PRPF8: variants seen among roughly 807,000 people sequenced by gnomAD.
The protein encoded by PRPF8 is pre-mRNA-processing-splicing factor 8.
In PRPF8, 64 loss-of-function variants were observed where a neutral mutation model predicts 285.9. The observed-to-expected ratio is 0.22, with a 90% CI of 0.18 to 0.28. The LOEUF (loss-of-function observed/expected upper bound fraction) is 0.28. Among genes scored for constraint, PRPF8 ranks in the 10% least tolerant of loss-of-function variants. The probability of loss-of-function intolerance (pLI) is 1.00; values close to 1 mark genes in which losing one functional copy is unlikely to be tolerated. For missense variants in PRPF8, 1,426 were observed against 3,026.7 expected, an observed-to-expected ratio of 0.47 and a Z score of 12.41; for synonymous variants, 1,325 against 1,118.2, an observed-to-expected ratio of 1.18 and a Z score of -3.69.
intron 24 of PRPF8, among the ~76,000 whole-genome samples, chr17:1,668,707 T>C (rs1912139329): frequency 1.3e-5 from 2 of 151,996 alleles, no homozygotes; most frequent in Non-Finnish European, 1.5e-5. Flanking sequence ...CTTACCACTC[T>C]ACAACTGTCT....
rs759915094 is a variant in PRPF8 at position 1,661,890 on chromosome 17, T to G, written c.4022+16A>C. On this transcript the variant is annotated intron_variant, in intron 25 of 42. Transcript: ENST00000304992. The surrounding 1 kb of genome is among the most constrained non-coding windows in gnomAD (Gnocchi z 7.3). ...CTGAGCAATAGGGTTTAGAAATACG[T>G]TGAACCAGGCTGTACCTGAGGTCGG... 1 of 1,614,170 alleles carries G rather than the reference T, an allele frequency of 6.2e-7. No homozygotes were observed. Among genetic ancestry groups the G allele is most frequent in the Non-Finnish European group, 8.5e-7 (1 of 1,180,040 alleles).
At position 1,673,513 on chromosome 17, in the gene PRPF8, T is replaced by C. The variant is rs776258501; in HGVS notation, c.3501A>G (p.Thr1167=). Residue 1167 remains threonine (T), a synonymous_variant, in exon 23 of 43, where the codon ACA becomes ACG. Transcript: ENST00000304992. The surrounding 1 kb of genome is among the most constrained non-coding windows in gnomAD (Gnocchi z 5.5). ...ACACGAAGCTGTTCTCCCACTGAAC[T>C]GTAGTCACTGACCGTGGCAAGCGGT... ...IKNRLPRSVT[T]VQWENSFVSV... 9 of 1,614,060 alleles carry C rather than the reference T, an allele frequency of 5.6e-6. No individual in the cohort carries two copies. The highest frequency in any genetic ancestry group is 2.2e-5 in the South Asian group (2 of 91,082).
chr17:1,668,553 G>A (rs1056522710), intron 24 of PRPF8, among the ~76,000 whole-genome samples: 17 of 151,804 alleles, frequency 1.1e-4, no homozygotes, highest in African/African-American at 4.1e-4. Flanking sequence ...TAGTAGAGAC[G>A]GGGTTTCACC....
Position 1,659,735 on chromosome 17 carries a change from A to C in PRPF8, c.4946+106T>G. The C allele has an allele frequency of 6.8e-7, 1 of 1,469,858 alleles. No homozygotes were observed. Among genetic ancestry groups the C allele is most frequent in the Non-Finnish European group, 9.3e-7 (1 of 1,070,432 alleles). 91.1% of individuals were successfully genotyped at this position (1,469,858 alleles called of 1,614,324 possible). A position where few individuals can be genotyped will look rare whatever the true frequency, so the allele number is the denominator to read the frequency against. Reference sequence around the variant, plus strand: ...AGGCTCCAAGCGTAGCACTGGCTCCAAGTTTGAAACAAAGGCAGACAGGAC... The same window carrying C: ...AGGCTCCAAGCGTAGCACTGGCTCCCAGTTTGAAACAAAGGCAGACAGGAC... On this transcript the variant is annotated intron_variant, in intron 31 of 42. Transcript: ENST00000304992. This position sits in a 1 kb window ranked among gnomAD's most constrained non-coding sequence, Gnocchi z 5.1.
rs1160767487 is a variant in PRPF8, at chr17:1,659,320, C to T, written c.5138+37G>A. On this transcript the variant is annotated intron_variant, in intron 32 of 42. Coordinates refer to ENST00000304992, the MANE Select transcript of PRPF8 (RefSeq NM_006445.4). The surrounding 1 kb of genome is among the most constrained non-coding windows in gnomAD (Gnocchi z 5.1). ...GGATTACAGGTGTGAGCCACTGCGC[C>T]TGGCCTGAAAATACATGGTCCTGAG... 4.3e-6 allele frequency: 7 copies of T among 1,612,636 alleles called. No individual in the cohort carries two copies. The highest frequency in any genetic ancestry group is 1.1e-5 in the South Asian group (1 of 91,026).
intron 36 of PRPF8, 53 bp from the exon 37 acceptor site, chr17:1,655,596 C>G: frequency 2.7e-6 from 4 of 1,457,096 alleles, no homozygotes; most frequent in South Asian, 1.1e-5. Flanking sequence ...GGCTCTCCCA[C>G]TTTAATCCTA....
chr17:1,683,356 G>C (rs570536287), intron 3 of PRPF8, 177 bp downstream of exon 3: 31 of 730,944 alleles, frequency 4.2e-5, no homozygotes, highest in Middle Eastern at 7.1e-4. Context: ...ATCGGGAAGA[G>C]AGGGGAAACA....
intron 13 of PRPF8, among the ~76,000 whole-genome samples, 165 bp from the exon 14 acceptor site, chr17:1,677,859 A>G (rs1456385746): frequency 6.6e-6 from 1 of 152,166 alleles, no homozygotes; most frequent in Non-Finnish European, 1.5e-5. Context: ...CTCAACATCT[A>G]AAACAAAAGG....
rs1286401002 is a variant in PRPF8, at chr17:1,681,741, T to C, written c.654-51A>G. 5.6e-6 allele frequency: 9 copies of C among 1,609,034 alleles called. No individual in the cohort carries two copies. The East Asian group carries it at 6.7e-5, about 12-fold the overall frequency. Reference sequence around the variant, plus strand: ...TCAAGTAAGCAGCTAGACAAACCCATACCACCTACTGATCTCCCAGGACTC... The same window carrying C: ...TCAAGTAAGCAGCTAGACAAACCCACACCACCTACTGATCTCCCAGGACTC... On this transcript the variant is annotated intron_variant, in intron 5 of 42. Transcript: ENST00000304992.
In PRPF8 at chr17:1,679,841, T is replaced by G; in HGVS notation, c.1099-42A>C. On this transcript the variant is annotated intron_variant, in intron 8 of 42. Coordinates refer to ENST00000304992, the MANE Select transcript of PRPF8 (RefSeq NM_006445.4). This position sits in a 1 kb window ranked among gnomAD's most constrained non-coding sequence, Gnocchi z 4.7. ...TCTAAGGGTTTAGCTCCTGCTGAAC[T>G]AGGCACAGACTTAAGATGAGGGAAA... is the stretch of plus-strand genomic sequence containing the variant. 1.3e-6 allele frequency: 2 copies of G among 1,598,394 alleles called. No individual in the cohort carries two copies. The highest frequency in any genetic ancestry group is 1.7e-5 in the Admixed American group (1 of 60,006).
chr17:1,674,417 G>A (rs773453199), intron 21 of PRPF8, 25 bp downstream of exon 21: 3 of 1,607,418 alleles, frequency 1.9e-6, no homozygotes, highest in Non-Finnish European at 2.6e-6. Flanking sequence ...ACCCTGCAAG[G>A]CTAGGAATCC....
rs1912550886 is a variant in PRPF8 at position 1,675,289 on chromosome 17, C to T, written c.2923G>A (p.Val975Ile). The T allele has an allele frequency of 1.2e-6, 2 of 1,614,212 alleles. No homozygotes were observed. Among genetic ancestry groups the T allele is most frequent in the Non-Finnish European group, 1.7e-6 (2 of 1,180,048 alleles). The change falls in exon 20 of 43, where the codon GTC (valine) becomes ATC (isoleucine). Residue 975 changes from valine (V) to isoleucine (I), a missense_variant. By Grantham distance (29) the Val-to-Ile change is conservative (BLOSUM62 3). Around this residue, in one of 34 missense-constraint regions of PRPF8, gnomAD observed 37 missense variants for 43.4 expected, o/e 0.85. Transcript: ENST00000304992. The surrounding 1 kb of genome is among the most constrained non-coding windows in gnomAD (Gnocchi z 6.0). ...TTCTCAAAGCGGGATTCCAGCATGA[C>T]ATTGCACTCGCCTTCACTCGTCTCC... ...VWETSEGECN[V>I]MLESRFEKMY...
intron 24 of PRPF8, among the ~76,000 whole-genome samples, chr17:1,671,980 C>G (rs962280699): frequency 1.3e-5 from 2 of 152,006 alleles, no homozygotes; most frequent in Non-Finnish European, 2.9e-5. Flanking sequence ...GATAGCGCCA[C>G]TGCCCTTCAG....
intron 36 of PRPF8, among the ~76,000 whole-genome samples, 198 bp from the exon 37 acceptor site, chr17:1,655,741 C>T (rs1233052077): frequency 1.3e-5 from 2 of 151,870 alleles, no homozygotes; most frequent in East Asian, 3.9e-4. Context: ...ATTCTCCTGC[C>T]TCAGCCTCCC....
chr17:1,682,426 C>T, intron 3 of PRPF8, 133 bp from the exon 4 acceptor site: 1 of 1,111,928 alleles, frequency 9.0e-7, no homozygotes, highest in Non-Finnish European at 1.3e-6. Context: ...AGCCCACAGG[C>T]CCTTCCTAAC....
intron 6 of PRPF8, 140 bp downstream of exon 6, chr17:1,681,338 C>G: frequency 1.8e-6 from 2 of 1,094,968 alleles, no homozygotes; most frequent in Admixed American, 3.5e-5. Context: ...GCCTCAGCTT[C>G]CCAAAGTGCT....
Position 1,656,512 on chromosome 17 carries a change from G to A in PRPF8, c.5673C>T (p.Leu1891=). 6.2e-7 allele frequency: 1 copy of A among 1,614,206 alleles called. No individual in the cohort carries two copies. The part of the protein sequence containing the change: ...NIVIKGSELQ[L]PFQACLKVEK... ...CCACCTTGAGACACGCCTGGAAAGGGAGTTGGAGCTCCGATCCTTTGATGA... is the reference window on the plus strand; with the variant it reads ...CCACCTTGAGACACGCCTGGAAAGGAAGTTGGAGCTCCGATCCTTTGATGA... Residue 1891 remains leucine (L), a synonymous_variant, in exon 36 of 43, where the codon CTC becomes CTT. Coordinates refer to ENST00000304992, the MANE Select transcript of PRPF8 (RefSeq NM_006445.4).
At chr17:1,665,516 C>A (rs866156956) in intron 24 of PRPF8, among the ~76,000 whole-genome samples, 5 of 136,552 alleles carry the variant, frequency 3.7e-5, no homozygotes, top group Non-Finnish European at 6.3e-5. Flanking sequence ...CCAGCCTGGG[C>A]GACAGAGCAA....
chr17:1,676,426 G>A lies in PRPF8; in HGVS notation c.2389-56C>T, dbSNP rs571074849. 1.9e-6 allele frequency: 3 copies of A among 1,613,848 alleles called. No individual in the cohort carries two copies. The East Asian group carries it at 6.7e-5, about 36-fold the overall frequency. The stretch of plus-strand genomic sequence containing the variant: ...CTACAGCCCGATCCTGCCAGAACAA[G>A]GTTCAGTCACAACTCTACAGTCCTC... On this transcript the variant is annotated intron_variant, in intron 16 of 42. Coordinates refer to ENST00000304992, the MANE Select transcript of PRPF8 (RefSeq NM_006445.4). The surrounding 1 kb of genome is among the most constrained non-coding windows in gnomAD (Gnocchi z 6.3).
Sources: allele counts gnomAD v4.1 joint callset (sites outside exome capture counted in the v4.1 genomes callset), GRCh38; gene constraint gnomAD v4.1.1; regional missense constraint gnomAD v4.1.1; non-coding constraint Gnocchi (gnomAD v3.1); transcripts MANE v1.5; gene names NCBI Gene and HGNC (gene_info 2026-07-23, HGNC 2026-07-21).